Variants in ZDHHC11B observed in about 807,000 individuals in gnomAD.
The protein encoded by ZDHHC11B is probable palmitoyltransferase ZDHHC11B.
In ZDHHC11B, 17 loss-of-function variants were observed where a neutral mutation model predicts 42.3. The ratio of observed to expected loss-of-function variants is 0.40; its 90% CI spans 0.27 to 0.60. The LOEUF (loss-of-function observed/expected upper bound fraction) is 0.60, where lower values mean the gene tolerates loss of function less well. Ranked by LOEUF, ZDHHC11B falls within the 20% of genes least tolerant of loss-of-function variation. ZDHHC11B has a pLI of 0.41. For synonymous variants in ZDHHC11B, 123 were observed against 193.5 expected (o/e 0.64, Z 3.02); for missense variants, 262 against 463.2 (o/e 0.57, Z 3.99).
intron 11 of ZDHHC11B, among the ~76,000 whole-genome samples, chr5:733,182 T>C (rs545174848): frequency 3.8e-4 from 57 of 149,708 alleles, no homozygotes; most frequent in African/African-American, 1.2e-3. Flanking sequence ...ACAGAGTCCA[T>C]GTAACAAACA....
intron 8 of ZDHHC11B, among the ~76,000 whole-genome samples, chr5:746,020 C>A (rs1432062534): frequency 1.3e-5 from 2 of 149,966 alleles, no homozygotes; most frequent in Admixed American, 1.3e-4. Context: ...GCCCTATCCA[C>A]CTGGCCTGTC....
At chr5:777,862 CG>C (rs1214914573) in intron 1 of ZDHHC11B, among the ~76,000 whole-genome samples, 10 of 151,870 alleles carry the variant, frequency 6.6e-5, no homozygotes, top group South Asian at 4.2e-4. Context: ...TGGGACCCGG[CG>C]GGGGCGGCGC....
At chr5:783,803 C>G (rs1286369842) in intron 1 of ZDHHC11B, among the ~76,000 whole-genome samples, 1 of 130,236 alleles carries the variant, frequency 7.7e-6, no homozygotes, top group Non-Finnish European at 1.6e-5. Context: ...AAACAGCAGC[C>G]CCCTAAACCC....
chr5:773,164 C>G (rs1339031050), intron 1 of ZDHHC11B, among the ~76,000 whole-genome samples: 1 of 151,834 alleles, frequency 6.6e-6, no homozygotes, highest in Non-Finnish European at 1.5e-5. Flanking sequence ...AGGTGTCAGA[C>G]GGACAACGAG....
At chr5:730,351 T>C (rs1742926021) in intron 12 of ZDHHC11B, 83 bp downstream of exon 12, 5 of 1,447,714 alleles carry the variant, frequency 3.5e-6, no homozygotes, top group African/African-American at 1.4e-5. Context: ...ACATGTTAAA[T>C]AGAGAACATA....
intron 1 of ZDHHC11B, among the ~76,000 whole-genome samples, chr5:770,386 C>T (rs1358259363): frequency 1.3e-5 from 2 of 150,158 alleles, no homozygotes; most frequent in African/African-American, 4.9e-5. Flanking sequence ...CCAAATAAAG[C>T]CAGCAGCACG....
In ZDHHC11B at chr5:748,138, C is replaced by A. The variant is rs1227360016; in HGVS notation, c.784+266G>T. On this transcript the variant is annotated intron_variant, in intron 8 of 13. Transcript: ENST00000508859. ...GTTACTTCAAGCACCCGGCAGCGCT[C>A]CTGCAGGTCTCAGCGTTGAGTTCAG... The A allele has an allele frequency of 5.4e-6, 3 of 558,050 alleles. 1 individual carries two copies. In the Admixed American group the frequency reaches 9.9e-5, roughly 18 times the overall value. The allele number at this position is 558,050 out of a possible 1,614,324, so 34.6% of individuals were successfully genotyped here.
chr5:773,099 G>A (rs189107294), intron 1 of ZDHHC11B, among the ~76,000 whole-genome samples: 175 of 151,848 alleles, frequency 1.2e-3, no homozygotes, highest in African/African-American at 3.8e-3. Flanking sequence ...TTAGACCCAC[G>A]TGCTGTTTCC....
At chr5:725,077 G>A (rs1333057445) in intron 12 of ZDHHC11B, among the ~76,000 whole-genome samples, 2 of 151,220 alleles carry the variant, frequency 1.3e-5, no homozygotes, top group African/African-American at 2.4e-5. Context: ...GTCATAAAGC[G>A]GAGCCTTTGG....
At chr5:747,867 G>A (rs1451007655) in intron 8 of ZDHHC11B, 1 of 207,984 alleles carries the variant, frequency 4.8e-6, no homozygotes, top group Non-Finnish European at 9.4e-6. Context: ...AGGTTTCCTT[G>A]GGGCTGGGGA....
chr5:776,541 T>C lies in ZDHHC11B; in HGVS notation c.-229-7611A>G, dbSNP rs189737915. Among the ~76,000 whole-genome samples the C allele has an allele frequency of 8.8e-3, 1,333 of 151,264 alleles. 41 individuals carry two copies. The highest frequency in any genetic ancestry group is 0.03 in the African/African-American group (1,235 of 40,740). ...GGGCCCACGCAGTGTGCTCCTGGCC[T>C]CAAACTGCCCACTGGGCATTCAGCC... On this transcript the variant is annotated intron_variant, in intron 1 of 13. Coordinates refer to ENST00000508859, the MANE Select transcript of ZDHHC11B (RefSeq NM_001351303.2).
At chr5:757,921 T>C (rs1397905014) in intron 4 of ZDHHC11B, among the ~76,000 whole-genome samples, 2 of 151,724 alleles carry the variant, frequency 1.3e-5, no homozygotes, top group Non-Finnish European at 2.9e-5. Context: ...CAGTGGCCAG[T>C]CTAATCCCAC....
chr5:723,221 T>C (rs967543620), intron 12 of ZDHHC11B, among the ~76,000 whole-genome samples: 7 of 147,146 alleles, frequency 4.8e-5, no homozygotes, highest in East Asian at 2.0e-4. Context: ...CCACCCAGGA[T>C]TGGGATTCGT....
chr5:748,307 G>T (rs1745098170), intron 8 of ZDHHC11B, 97 bp downstream of exon 8: 2 of 891,796 alleles, frequency 2.2e-6, no homozygotes, highest in South Asian at 3.7e-5. Flanking sequence ...AGGTGTGGGG[G>T]GCTCAGGGTT....
intron 11 of ZDHHC11B, chr5:732,812 C>T (rs1208795280): frequency 1.9e-5 from 5 of 259,330 alleles, no homozygotes; most frequent in South Asian, 1.7e-4. Flanking sequence ...TCTAATTCCC[C>T]TGAGCCTGGG....
chr5:753,732 G>A lies in ZDHHC11B; in HGVS notation c.503+1266C>T, dbSNP rs1485523188. On this transcript the variant is annotated intron_variant, in intron 6 of 13. Coordinates refer to ENST00000508859, the MANE Select transcript of ZDHHC11B (RefSeq NM_001351303.2). The stretch of plus-strand genomic sequence containing the variant: ...GCCTCTGGACTCGCTGTGCGGTCAT[G>A]CAACCTCTCTGTCCCTGCCGGGCTG... 1.3e-5 allele frequency among the ~76,000 whole-genome samples: 2 copies of A among 148,430 alleles called. 1 individual carries two copies. The highest frequency in any genetic ancestry group is 4.4e-4 in the East Asian group (2 of 4,574).
In ZDHHC11B at chr5:766,697, C is replaced by G; in HGVS notation, c.222+1G>C. The G allele has an allele frequency of 6.2e-7, 1 of 1,606,126 alleles. No homozygotes were observed. On this transcript the variant is annotated splice_donor_variant, in intron 4 of 13. Coordinates refer to ENST00000508859, the MANE Select transcript of ZDHHC11B (RefSeq NM_001351303.2). LOFTEE classifies it high-confidence loss of function. ...AGACCATGCCACGATGAAAAGGATA[C>G]CACATAGGCGATGTATTTCCACGAG...
chr5:748,740 A>G lies in ZDHHC11B; in HGVS notation c.629-181T>C, dbSNP rs3817051. ...AGTGCCCCATGGGCCCTGCTGACTG[A>G]GGTTGGTTTTCATGATCCCTGCTTT... On this transcript the variant is annotated intron_variant, in intron 7 of 13. Coordinates refer to ENST00000508859, the MANE Select transcript of ZDHHC11B (RefSeq NM_001351303.2). 2.4e-4 allele frequency among the ~76,000 whole-genome samples: 31 copies of G among 129,108 alleles called. 5 individuals carry two copies. The highest frequency in any genetic ancestry group is 4.8e-4 in the Non-Finnish European group (28 of 58,050). 84.7% of individuals were successfully genotyped at this position (129,108 alleles called of 152,430 possible). A position where few individuals can be genotyped will look rare whatever the true frequency, so the allele number is the denominator to read the frequency against.
chr5:784,501 C>T (rs1188234818), intron 1 of ZDHHC11B, among the ~76,000 whole-genome samples, 167 bp downstream of exon 1: 1 of 152,262 alleles, frequency 6.6e-6, no homozygotes, highest in Non-Finnish European at 1.5e-5. Context: ...TCCGGGCATC[C>T]CAATCCGGGG....
Sources: gnomAD v4.1 joint callset for allele counts (sites outside exome capture counted in the v4.1 genomes callset) on GRCh38, gnomAD v4.1.1 for gene constraint, MANE v1.5 for transcripts, NCBI Gene and HGNC (gene_info 2026-07-23, HGNC 2026-07-21) for gene names.